Variants in TBL1XR1 observed in about 807,000 individuals in gnomAD.
TBL1XR1 encodes the protein TBL1X/Y related 1, also known as F-box-like/WD repeat-containing protein TBL1XR1.
Under a neutral mutation model 66.9 loss-of-function variants are expected in TBL1XR1, and 5 were observed. The observed-to-expected ratio is 0.07, with a 90% confidence interval of 0.04 to 0.16. The LOEUF (loss-of-function observed/expected upper bound fraction) is 0.16. TBL1XR1 is among the 10% of genes least tolerant of loss of function. The pLI, the probability that TBL1XR1 is intolerant of heterozygous loss-of-function variation, is 1.00. For synonymous variants in TBL1XR1, 210 were observed against 206.0 expected (o/e 1.02, Z -0.17); for missense variants, 238 against 623.2 (o/e 0.38, Z 6.58).
intron 1 of TBL1XR1, among the ~76,000 whole-genome samples, chr3:177,184,908 C>G (rs1197800313): frequency 6.6e-6 from 1 of 152,116 alleles, no homozygotes. Flanking sequence ...GCCAACAAGT[C>G]TGAAAAATGA....
At chr3:177,152,445 C>T (rs1234127514) in intron 1 of TBL1XR1, among the ~76,000 whole-genome samples, 1 of 152,098 alleles carries the variant, frequency 6.6e-6, no homozygotes, top group Non-Finnish European at 1.5e-5. Context: ...CACCACCACG[C>T]CCGGCTAATT....
chr3:177,187,928 CCAGAGTA>C (rs898201657), intron 1 of TBL1XR1, among the ~76,000 whole-genome samples: 7 of 145,722 alleles, frequency 4.8e-5, no homozygotes, highest in Admixed American at 6.8e-5. Context: ...GCTTGAGAGT[CCAGAGTA>C]CAATTTCCTT....
intron 1 of TBL1XR1, among the ~76,000 whole-genome samples, chr3:177,172,587 C>A (rs1268942555): frequency 1.3e-5 from 2 of 148,148 alleles, no homozygotes; most frequent in African/African-American, 5.0e-5. Context: ...TACCACTACA[C>A]TCCTGCCTGA....
At chr3:177,090,972 G>C (rs958300100) in intron 2 of TBL1XR1, among the ~76,000 whole-genome samples, 1 of 151,916 alleles carries the variant, frequency 6.6e-6, no homozygotes, top group Non-Finnish European at 1.5e-5. Context: ...CTGGGTGACT[G>C]AGTGACACCC....
intron 5 of TBL1XR1, among the ~76,000 whole-genome samples, 196 bp downstream of exon 5, chr3:177,051,308 G>A (rs533724874): frequency 1.3e-5 from 2 of 151,996 alleles, no homozygotes; most frequent in South Asian, 2.1e-4. Context: ...GTGGAGGGTG[G>A]GAGGAAGAGG....
chr3:177,050,816 T>G (rs1464477231), intron 5 of TBL1XR1, among the ~76,000 whole-genome samples: 1 of 151,030 alleles, frequency 6.6e-6, no homozygotes, highest in Non-Finnish European at 1.5e-5. Flanking sequence ...ACCACATACT[T>G]TTTTTTTAGA....
At chr3:177,163,386 GTAAT>G in intron 1 of TBL1XR1, among the ~76,000 whole-genome samples, 1 of 152,094 alleles carries the variant, frequency 6.6e-6, no homozygotes. Context: ...GCGGGCACCT[GTAAT>G]CCCAGCTACT....
chr3:177,193,060 G>T (rs1736366505), intron 1 of TBL1XR1, among the ~76,000 whole-genome samples: 1 of 152,030 alleles, frequency 6.6e-6, no homozygotes, highest in Non-Finnish European at 1.5e-5. Context: ...GGCTGAGGCA[G>T]GAGAATCACT....
chr3:177,157,423 G>T (rs1731648197), intron 1 of TBL1XR1, among the ~76,000 whole-genome samples: 1 of 152,134 alleles, frequency 6.6e-6, no homozygotes, highest in Non-Finnish European at 1.5e-5. Flanking sequence ...TGTATGATGA[G>T]ATTAGACTTG....
intron 1 of TBL1XR1, among the ~76,000 whole-genome samples, chr3:177,156,883 G>A (rs1298049997): frequency 6.6e-6 from 1 of 152,186 alleles, no homozygotes; most frequent in African/African-American, 2.4e-5. Context: ...GGAGGGACAA[G>A]TCAAGCACAA....
At chr3:177,060,870 G>C in intron 3 of TBL1XR1, among the ~76,000 whole-genome samples, 1 of 152,160 alleles carries the variant, frequency 6.6e-6, no homozygotes, top group East Asian at 1.9e-4. Flanking sequence ...CTAATTAAAG[G>C]AACAATACTT....
At chr3:177,112,091 ATATATATATATATATAT>A (rs1469340442) in intron 1 of TBL1XR1, among the ~76,000 whole-genome samples, 7 of 45,636 alleles carry the variant, frequency 1.5e-4, no homozygotes, top group South Asian at 7.1e-4. Flanking sequence ...ATATATATAT[ATATATATATATATATAT>A]TTTTTTTTTT....
chr3:177,137,766 T>C (rs1729166821), intron 1 of TBL1XR1, among the ~76,000 whole-genome samples: 1 of 152,054 alleles, frequency 6.6e-6, no homozygotes, highest in Admixed American at 6.5e-5. Flanking sequence ...GTCCAGGAGT[T>C]TGAGAACAGC....
At chr3:177,078,428 G>C (rs1458273236) in intron 2 of TBL1XR1, among the ~76,000 whole-genome samples, 2 of 151,102 alleles carry the variant, frequency 1.3e-5, no homozygotes, top group South Asian at 2.1e-4. Flanking sequence ...AAAAAATTTT[G>C]GTTTTAATTA....
chr3:177,173,868 GT>G (rs1372367150), intron 1 of TBL1XR1, among the ~76,000 whole-genome samples: 7 of 152,050 alleles, frequency 4.6e-5, no homozygotes, highest in Non-Finnish European at 8.8e-5. Flanking sequence ...TATTTCAAAA[GT>G]TAATATTTTT....
chr3:177,148,155 A>G (rs1267759064), intron 1 of TBL1XR1, among the ~76,000 whole-genome samples: 1 of 152,236 alleles, frequency 6.6e-6, no homozygotes, highest in African/African-American at 2.4e-5. Flanking sequence ...TCACCAATTT[A>G]GAATATAACA....
At chr3:177,077,615 C>A (rs1720852413) in intron 2 of TBL1XR1, among the ~76,000 whole-genome samples, 1 of 152,106 alleles carries the variant, frequency 6.6e-6, no homozygotes, top group Non-Finnish European at 1.5e-5. Context: ...CCTATCTAGC[C>A]ATATGGTACC....
chr3:177,085,124 C>T (rs1681369294), intron 2 of TBL1XR1, among the ~76,000 whole-genome samples: 1 of 152,148 alleles, frequency 6.6e-6, no homozygotes, highest in Non-Finnish European at 1.5e-5. Flanking sequence ...GAATAAATCC[C>T]TAAGAGAGAG....
chr3:177,108,524 G>GT (rs747751035), intron 1 of TBL1XR1, among the ~76,000 whole-genome samples: 15 of 152,108 alleles, frequency 9.9e-5, no homozygotes, highest in Non-Finnish European at 1.9e-4. Context: ...TGAACATAGT[G>GT]TTTGGCTTAT....
Sources: allele counts gnomAD v4.1 joint callset (sites outside exome capture counted in the v4.1 genomes callset), GRCh38; gene constraint gnomAD v4.1.1; transcripts MANE v1.5; gene names NCBI Gene and HGNC (gene_info 2026-07-23, HGNC 2026-07-21).